Variants in PLEKHG5 observed in about 807,000 individuals in gnomAD.
PLEKHG5 encodes the protein pleckstrin homology domain-containing family G member 5.
In PLEKHG5, 52 loss-of-function variants were observed where a neutral mutation model predicts 103.8. The observed-to-expected ratio is 0.50, with a 90% CI of 0.40 to 0.63. The LOEUF (loss-of-function observed/expected upper bound fraction) is 0.63. Among genes scored for constraint, PLEKHG5 ranks in the 30% least tolerant of loss-of-function variants. The pLI is 0.00. For synonymous variants in PLEKHG5, 592 were observed against 575.5 expected (o/e 1.03, Z -0.41); for missense variants, 1,205 against 1,347.6 (o/e 0.89, Z 1.66).
intron 1 of PLEKHG5, among the ~76,000 whole-genome samples, chr1:6,503,969 C>A (rs1287022996): frequency 6.6e-6 from 1 of 152,256 alleles, no homozygotes; most frequent in Admixed American, 6.5e-5. Context: ...GAGGGCCTGC[C>A]TCTGCAGACG....
At chr1:6,468,732 G>T in intron 19 of PLEKHG5, 146 bp from the exon 20 acceptor site, 1 of 858,500 alleles carries the variant, frequency 1.2e-6, no homozygotes. Flanking sequence ...AGGTGTGGCA[G>T]ATCTTCCAGC....
chr1:6,518,869 A>T (rs2148642103), intron 1 of PLEKHG5, among the ~76,000 whole-genome samples: 1 of 152,276 alleles, frequency 6.6e-6, no homozygotes, highest in Non-Finnish European at 1.5e-5. Flanking sequence ...TTTGAGACGG[A>T]GTCTTGCTCT....
At chr1:6,477,058 T>C (rs894996018) in intron 2 of PLEKHG5, among the ~76,000 whole-genome samples, 2 of 152,186 alleles carry the variant, frequency 1.3e-5, no homozygotes, top group African/African-American at 4.8e-5. Flanking sequence ...CACTCCTCCA[T>C]AGGCAGTTGA....
At chr1:6,498,153 G>T (rs946746861), upstream of PLEKHG5, among the ~76,000 whole-genome samples, 26 of 152,286 alleles carry the variant, frequency 1.7e-4, no homozygotes, top group African/African-American at 5.8e-4. Flanking sequence ...GTCTGCGGGG[G>T]CTCAGTGCTC....
At chr1:6,483,643 C>T (rs184762218) in intron 1 of PLEKHG5, among the ~76,000 whole-genome samples, 9 of 152,210 alleles carry the variant, frequency 5.9e-5, no homozygotes, top group East Asian at 5.8e-4. Context: ...CCAGCCTGGG[C>T]GACACAGTGA....
At chr1:6,506,412 C>T (rs981731303) in intron 1 of PLEKHG5, among the ~76,000 whole-genome samples, 1 of 152,212 alleles carries the variant, frequency 6.6e-6, no homozygotes, top group South Asian at 2.1e-4. Context: ...TTACAAATTT[C>T]GCCTTCCCGG....
chr1:6,476,994 C>T (rs1644780324), intron 2 of PLEKHG5, among the ~76,000 whole-genome samples: 1 of 152,190 alleles, frequency 6.6e-6, no homozygotes, highest in African/African-American at 2.4e-5. Flanking sequence ...CTCTGATCAG[C>T]TGGGAAAGGA....
At position 6,468,049 on chromosome 1, in the gene PLEKHG5, G is replaced by A. The variant is rs748020400; in HGVS notation, c.2787C>T (p.Cys929=). ...SPQEAGPSWD[C]RGAPSPGSGP... ...CGCTGCCAGGGCTAGGGGCCCCTCG[G>A]CAATCCCAGCTGGGCCCAGCTTCCT... Residue 929 remains cysteine (C), a synonymous_variant, in exon 20 of 21, where the codon TGC becomes TGT. Transcript: ENST00000377728. 7.0e-6 allele frequency: 11 copies of A among 1,564,320 alleles called. No individual in the cohort carries two copies. The East Asian group carries it at 2.1e-4, about 30-fold the overall frequency.
Position 6,470,554 on chromosome 1 carries a change from G to T in PLEKHG5, c.1632C>A (p.Arg544=). 1 of 1,603,090 alleles carries T rather than the reference G, an allele frequency of 6.2e-7. No homozygotes were observed. Reference sequence around the variant, plus strand: ...TTTCCACCACCTCGTAGGCGTCGATGCGGCTCACCACGGCCGCCAGCCGCT... The same window carrying T: ...TTTCCACCACCTCGTAGGCGTCGATTCGGCTCACCACGGCCGCCAGCCGCT... ...ERQRLAAVVS[R]IDAYEVVESS... Residue 544 remains arginine (R), a synonymous_variant, in exon 15 of 21, where the codon CGC becomes CGA. Transcript: ENST00000377728.
chr1:6,478,633 C>A (rs769084055), intron 1 of PLEKHG5, among the ~76,000 whole-genome samples: 30 of 152,038 alleles, frequency 2.0e-4, no homozygotes, highest in Non-Finnish European at 4.0e-4. Context: ...TAAAATATTT[C>A]TTTTCTTTTT....
intron 1 of PLEKHG5, among the ~76,000 whole-genome samples, chr1:6,489,423 C>T (rs1229272918): frequency 6.6e-6 from 1 of 152,238 alleles, no homozygotes; most frequent in African/African-American, 2.4e-5. Flanking sequence ...GAAAACCTCT[C>T]CCCAGGCTAA....
At chr1:6,480,879 G>A (rs981817290) in intron 1 of PLEKHG5, among the ~76,000 whole-genome samples, 1 of 152,042 alleles carries the variant, frequency 6.6e-6, no homozygotes, top group Non-Finnish European at 1.5e-5. Flanking sequence ...GGGCTCAACT[G>A]ATCCGCCCGC....
chr1:6,494,328 G>C (rs1316417854), upstream of PLEKHG5, among the ~76,000 whole-genome samples: 1 of 149,732 alleles, frequency 6.7e-6, no homozygotes, highest in Admixed American at 6.6e-5. Flanking sequence ...ATGGGGTTTC[G>C]CCATGTTGGC....
intron 1 of PLEKHG5, among the ~76,000 whole-genome samples, chr1:6,508,183 T>TGGG (rs36064039): frequency 0.82 from 124,184 of 151,858 alleles, 50,908 homozygotes; most frequent in East Asian, 0.98. Flanking sequence ...AGCGGTCACC[T>TGGG]GGGGCCCCAC....
intron 4 of PLEKHG5, 41 bp from the exon 5 acceptor site, chr1:6,475,179 A>ACCGCCCTCATTC (rs1296686100): frequency 8.7e-7 from 1 of 1,148,066 alleles, no homozygotes; most frequent in African/African-American, 1.7e-5. Context: ...GCTTCTCCTC[A>ACCGCCCTCATTC]CCGCCCTCAT....
Position 6,467,499 on chromosome 1 carries a change from C to A in PLEKHG5, c.*64G>T, listed in dbSNP as rs544841673. The A allele has an allele frequency of 2.5e-5, 39 of 1,536,784 alleles. No homozygotes were observed. The East Asian group carries it at 5.4e-4, about 21-fold the overall frequency. On this transcript the variant is annotated 3_prime_UTR_variant, in exon 21 of 21. Transcript: ENST00000377728. The stretch of plus-strand genomic sequence containing the variant: ...GCAGTAGCTGAAGCAGGTGCCGGCA[C>A]GCCCCAGGAGGCAGGCTGTCTGCTG...
intron 1 of PLEKHG5, among the ~76,000 whole-genome samples, chr1:6,484,752 C>T (rs1403993048): frequency 6.6e-6 from 1 of 152,288 alleles, no homozygotes; most frequent in South Asian, 2.1e-4. Context: ...AGGAGGGACA[C>T]CAGGGTCCGG....
At chr1:6,485,544 G>A (rs1645011971) in intron 1 of PLEKHG5, 1 of 1,161,994 alleles carries the variant, frequency 8.6e-7, no homozygotes, top group South Asian at 4.1e-5. Flanking sequence ...CGAGCGCGGG[G>A]ACCCCGGGGA....
intron 1 of PLEKHG5, among the ~76,000 whole-genome samples, chr1:6,506,574 C>A (rs182194967): frequency 8.5e-5 from 13 of 152,212 alleles, no homozygotes; most frequent in Non-Finnish European, 1.5e-4. Flanking sequence ...GCTCCCCACC[C>A]CTGACCTGTG....
Sources: gnomAD v4.1 joint callset for allele counts (sites outside exome capture counted in the v4.1 genomes callset) on GRCh38, gnomAD v4.1.1 for gene constraint, MANE v1.5 for transcripts, NCBI Gene and HGNC (gene_info 2026-07-23, HGNC 2026-07-21) for gene names.